DNAH7: variants seen among roughly 807,000 people sequenced by gnomAD.
DNAH7 encodes the protein axonemal beta dynein heavy chain 7.
A neutral mutation model predicts 444.6 loss-of-function variants in DNAH7; 397 were observed. The ratio of observed to expected loss-of-function variants is 0.89; its 90% CI spans 0.82 to 0.97. The LOEUF (loss-of-function observed/expected upper bound fraction) is 0.97. DNAH7 is among the 50% of genes least tolerant of loss of function. The pLI, the probability that DNAH7 is intolerant of heterozygous loss-of-function variation, is 0.00. For synonymous variants in DNAH7, 1,636 were observed against 1,624.4 expected (o/e 1.01, Z -0.17); for missense variants, 4,902 against 4,800.8 (o/e 1.02, Z -0.62).
chr2:195,812,731 G>T (rs1165181709), intron 51 of DNAH7, among the ~76,000 whole-genome samples: 1 of 152,066 alleles, frequency 6.6e-6, no homozygotes, highest in African/African-American at 2.4e-5. Flanking sequence ...CCAATATTAA[G>T]ATTCTAAAAC....
chr2:196,040,339 A>G (rs1401702989), intron 5 of DNAH7, among the ~76,000 whole-genome samples: 1 of 152,110 alleles, frequency 6.6e-6, no homozygotes, highest in Non-Finnish European at 1.5e-5. Context: ...ACCAAAACCA[A>G]ATCCAATAAT....
At chr2:196,010,422 A>G (rs935745747) in intron 10 of DNAH7, among the ~76,000 whole-genome samples, 6 of 152,152 alleles carry the variant, frequency 3.9e-5, no homozygotes, top group African/African-American at 1.4e-4. Flanking sequence ...GCTGGGAGTG[A>G]TAGGTGTGAG....
chr2:195,957,216 T>A, intron 19 of DNAH7, 45 bp downstream of exon 19: 2 of 1,407,170 alleles, frequency 1.4e-6, no homozygotes, highest in Non-Finnish European at 1.9e-6. Flanking sequence ...AAAAATCATG[T>A]CACTTCAACC....
intron 5 of DNAH7, among the ~76,000 whole-genome samples, chr2:196,041,322 C>T (rs1696745196): frequency 1.3e-5 from 2 of 151,958 alleles, no homozygotes; most frequent in Admixed American, 6.5e-5. Flanking sequence ...CAGTACAAAG[C>T]TATAGTAACC....
At chr2:195,950,519 G>A (rs1690151821) in intron 19 of DNAH7, among the ~76,000 whole-genome samples, 1 of 151,514 alleles carries the variant, frequency 6.6e-6, no homozygotes, top group African/African-American at 2.4e-5. Flanking sequence ...TCATTAGTCT[G>A]GCTAGCAGTC....
At chr2:195,951,058 C>T (rs566092367) in intron 19 of DNAH7, among the ~76,000 whole-genome samples, 73 of 152,172 alleles carry the variant, frequency 4.8e-4, no homozygotes, top group African/African-American at 1.7e-3. Context: ...ATCTTTCCCA[C>T]TTTCTCCTGT....
At position 196,045,707 on chromosome 2, in the gene DNAH7, T is replaced by C. The variant is rs149632394; in HGVS notation, c.398+1645A>G. On this transcript the variant is annotated intron_variant, in intron 5 of 64. Coordinates refer to ENST00000312428, the MANE Select transcript of DNAH7 (RefSeq NM_018897.3). ...AAAATGAATTTTCAACCTTAAGAAA[T>C]ATAAATTAAATATGTAGTTTTAAAT... Among the ~76,000 whole-genome samples, 118 of 152,132 alleles carry C rather than the reference T, an allele frequency of 7.8e-4. 2 individuals are homozygous for C. The East Asian group carries it at 0.02, about 26-fold the overall frequency.
Position 195,897,749 on chromosome 2 carries a change from T to C in DNAH7, c.4565A>G (p.Glu1522Gly), listed in dbSNP as rs1158473676. ...TCTAAGCAGCAAAATTTCTTCATTT[T>C]CATTTGGATATTTCAGCTAAAAAAA... ...AGNLKLKYPNENEEILLLRSI... is the reference protein window; with the variant it reads ...AGNLKLKYPNGNEEILLLRSI... The change falls in exon 29 of 65, where the codon GAA becomes GGA. Residue 1522 changes from glutamate (E) to glycine (G), a missense_variant. Glu to Gly is a moderately conservative substitution (Grantham distance 98). Transcript: ENST00000312428. 6.3e-7 allele frequency: 1 copy of C among 1,577,048 alleles called. No homozygotes were observed. Among genetic ancestry groups the C allele is most frequent in the Non-Finnish European group, 8.6e-7 (1 of 1,160,642 alleles).
At chr2:196,051,619 T>A (rs57452478) in intron 2 of DNAH7, among the ~76,000 whole-genome samples, 11,771 of 151,766 alleles carry the variant, frequency 0.078, 537 homozygotes, top group African/African-American at 0.12. Flanking sequence ...TACAAAAAAT[T>A]AGCCGGGCGT....
At chr2:195,973,037 G>A (rs902970003) in intron 15 of DNAH7, among the ~76,000 whole-genome samples, 4 of 152,230 alleles carry the variant, frequency 2.6e-5, no homozygotes, top group Admixed American at 2.0e-4. Context: ...TCTTGGAGAA[G>A]CACAAATAGA....
intron 24 of DNAH7, among the ~76,000 whole-genome samples, chr2:195,921,848 G>T (rs954295851): frequency 6.6e-6 from 1 of 151,498 alleles, no homozygotes; most frequent in Non-Finnish European, 1.5e-5. Flanking sequence ...AAGAAAGGAG[G>T]GATGGACAGC....
chr2:195,934,474 T>A, intron 21 of DNAH7, 117 bp downstream of exon 21: 1 of 1,088,524 alleles, frequency 9.2e-7, no homozygotes, highest in Admixed American at 2.2e-5. Flanking sequence ...CACATTTGAA[T>A]TGGTAATTCC....
intron 10 of DNAH7, among the ~76,000 whole-genome samples, chr2:196,012,252 C>T (rs958890705): frequency 2.6e-5 from 4 of 152,084 alleles, no homozygotes; most frequent in Admixed American, 2.0e-4. Context: ...CTGTCTGATT[C>T]CCAGATTATG....
intron 51 of DNAH7, among the ~76,000 whole-genome samples, chr2:195,814,032 G>A (rs1697107597): frequency 6.6e-6 from 1 of 152,218 alleles, no homozygotes; most frequent in African/African-American, 2.4e-5. Flanking sequence ...AGTCAGGACA[G>A]TGGTCACCTT....
chr2:195,999,766 A>C (rs558176939), intron 12 of DNAH7, among the ~76,000 whole-genome samples: 1 of 152,208 alleles, frequency 6.6e-6, no homozygotes, highest in Non-Finnish European at 1.5e-5. Flanking sequence ...AATGAAAAGG[A>C]TATCCTCAAA....
intron 58 of DNAH7, among the ~76,000 whole-genome samples, chr2:195,778,677 C>CACACACACATATAT: frequency 1.3e-5 from 1 of 76,930 alleles, no homozygotes; most frequent in Admixed American, 1.6e-4. Flanking sequence ...TATACACACA[C>CACACACACATATAT]ACACATATAT....
intron 58 of DNAH7, among the ~76,000 whole-genome samples, chr2:195,782,752 CTT>C (rs1407532009): frequency 6.6e-6 from 1 of 152,154 alleles, no homozygotes; most frequent in Non-Finnish European, 1.5e-5. Context: ...TCTTGATACT[CTT>C]TATTTACTCA....
At chr2:195,901,210 G>C (rs1013608620) in intron 27 of DNAH7, 7 of 152,068 alleles carry the variant, frequency 4.6e-5, no homozygotes, top group African/African-American at 1.7e-4. Flanking sequence ...TGATTGGCTT[G>C]ATTAGGGGTA....
At chr2:195,785,239 T>C (rs1339415439) in intron 58 of DNAH7, among the ~76,000 whole-genome samples, 2 of 152,200 alleles carry the variant, frequency 1.3e-5, no homozygotes, top group African/African-American at 4.8e-5. Context: ...GAATTTTGTT[T>C]CCTTATTGTT....
Sources: gnomAD v4.1 joint callset for allele counts (sites outside exome capture counted in the v4.1 genomes callset) on GRCh38, gnomAD v4.1.1 for gene constraint, MANE v1.5 for transcripts, NCBI Gene and HGNC (gene_info 2026-07-23, HGNC 2026-07-21) for gene names.